The following HIRA variants were observed in gnomAD, a reference collection of about 807,000 sequenced individuals.
The protein encoded by HIRA is protein HIRA.
A neutral mutation model predicts 126.6 loss-of-function variants in HIRA; 13 were observed. That is an observed-to-expected ratio of 0.10 (90% confidence interval 0.07 to 0.16). The LOEUF is 0.16. HIRA is among the 10% of genes least tolerant of loss of function. HIRA has a pLI of 1.00. For missense variants in HIRA, 834 were observed against 1,314.4 expected (o/e 0.63, Z 5.65); for synonymous variants, 511 against 520.0 (o/e 0.98, Z 0.24).
rs779321407 is a variant in HIRA at position 19,408,604 on chromosome 22, G to A, written c.101-11C>T. On this transcript the variant is annotated splice_polypyrimidine_tract_variant and intron_variant, in intron 2 of 24. Coordinates refer to ENST00000263208, the MANE Select transcript of HIRA (RefSeq NM_003325.4). ...TCCCAGAATCCTGCCCTGGAACAAA[G>A]GAGCAGAAATGGCTGAATGTGCAAG... 5.8e-6 allele frequency: 9 copies of A among 1,539,244 alleles called. No individual in the cohort carries two copies. The South Asian group carries it at 1.0e-4, about 17-fold the overall frequency.
chr22:19,333,264 G>A (rs961427431), intron 24 of HIRA, among the ~76,000 whole-genome samples: 3 of 152,092 alleles, frequency 2.0e-5, no homozygotes, highest in African/African-American at 7.2e-5. Flanking sequence ...AATCAAGAAA[G>A]AGAGAGAAAG....
At position 19,377,853 on chromosome 22, in the gene HIRA, C is replaced by G; in HGVS notation, c.1613+16G>C. 1 of 1,589,194 alleles carries G rather than the reference C, an allele frequency of 6.3e-7. No homozygotes were observed. Among genetic ancestry groups the G allele is most frequent in the Non-Finnish European group, 8.6e-7 (1 of 1,166,256 alleles). ...ACTTTCCCCAGGGACAGGAACAAGC[C>G]TTGGCACCCACTAACCTGTCTTTAT... On this transcript the variant is annotated intron_variant, in intron 14 of 24. Transcript: ENST00000263208.
intron 15 of HIRA, among the ~76,000 whole-genome samples, chr22:19,363,051 C>T (rs1475939884): frequency 6.6e-6 from 1 of 150,734 alleles, no homozygotes. Context: ...CTGGCCAACA[C>T]GGTGAAACCC....
chr22:19,415,938 G>A (rs1247475361), intron 1 of HIRA, among the ~76,000 whole-genome samples: 1 of 151,866 alleles, frequency 6.6e-6, no homozygotes, highest in South Asian at 2.1e-4. Context: ...ACAGTCAAAA[G>A]AATCTTCAAA....
In HIRA at chr22:19,409,408, C is replaced by T. The variant is rs1001169753; in HGVS notation, c.101-815G>A. Reference sequence around the variant, plus strand: ...CAGCGATTCTCCTATCTCAGCCTCCCGACTAGCTGGGATTACAGGCGAACA... The same window carrying T: ...CAGCGATTCTCCTATCTCAGCCTCCTGACTAGCTGGGATTACAGGCGAACA... On this transcript the variant is annotated intron_variant, in intron 2 of 24. Coordinates refer to ENST00000263208, the MANE Select transcript of HIRA (RefSeq NM_003325.4). Among the ~76,000 whole-genome samples the T allele has an allele frequency of 5.3e-5, 8 of 152,140 alleles. 1 individual carries two copies. The South Asian group carries it at 6.2e-4, about 12-fold the overall frequency.
At chr22:19,431,289 G>C in intron 1 of HIRA, 151 bp downstream of exon 1, 11 of 855,566 alleles carry the variant, frequency 1.3e-5, no homozygotes, top group Non-Finnish European at 2.1e-5. Context: ...TCCGCGCTGA[G>C]GACAAAGTCC....
intron 24 of HIRA, among the ~76,000 whole-genome samples, chr22:19,350,622 A>C (rs2088745758): frequency 6.6e-6 from 1 of 151,834 alleles, no homozygotes; most frequent in South Asian, 2.1e-4. Flanking sequence ...TCTTCCTGGG[A>C]CTGTTACAGA....
Position 19,431,697 on chromosome 22 carries a change from C to G in HIRA, c.-221G>C. 1 of 371,200 alleles carries G rather than the reference C, an allele frequency of 2.7e-6. No homozygotes were observed. The highest frequency in any genetic ancestry group is 4.5e-6 in the Non-Finnish European group (1 of 224,084). The allele number at this position is 371,200 out of a possible 1,614,324, so 23.0% of individuals were successfully genotyped here. ...CCGCCGCCGCCACCACAGCCGCATC[C>G]CCTGCGCCGCTCCTCCTCAGGCGGC... is the stretch of plus-strand genomic sequence containing the variant. On this transcript the variant is annotated 5_prime_UTR_variant, in exon 1 of 25. Coordinates refer to ENST00000263208, the MANE Select transcript of HIRA (RefSeq NM_003325.4).
chr22:19,369,931 A>AAAAC (rs371707260), intron 15 of HIRA, among the ~76,000 whole-genome samples: 11 of 152,290 alleles, frequency 7.2e-5, no homozygotes, highest in South Asian at 2.1e-4. Context: ...TCTGTCTCAA[A>AAAAC]AAACAAACAA....
At chr22:19,385,447 C>A in intron 12 of HIRA, 74 bp downstream of exon 12, 2 of 1,416,828 alleles carry the variant, frequency 1.4e-6, no homozygotes, top group South Asian at 2.5e-5. Context: ...TTCCTTACCA[C>A]CACTGGTGTC....
chr22:19,407,114 G>A, intron 4 of HIRA, 70 bp downstream of exon 4: 1 of 1,261,798 alleles, frequency 7.9e-7, no homozygotes, highest in South Asian at 1.2e-5. Context: ...GGTAGGGAAA[G>A]GTGACTTTGA....
intron 1 of HIRA, among the ~76,000 whole-genome samples, chr22:19,424,194 C>T (rs890876406): frequency 1.3e-5 from 2 of 152,180 alleles, no homozygotes; most frequent in African/African-American, 2.4e-5. Flanking sequence ...CATATGCTCC[C>T]CCAGGGAGGT....
rs1422263034 is a variant in HIRA, at chr22:19,396,644, C to G, written c.654+143G>C. The G allele has an allele frequency of 1.1e-5, 8 of 729,398 alleles. No homozygotes were observed. In the Admixed American group the frequency reaches 1.2e-4, roughly 11 times the overall value. 45.2% of individuals were successfully genotyped at this position (729,398 alleles called of 1,614,324 possible). ...AGGGCCAGAGTCCCACCCCAGAGAG[C>G]CTTGGTGAATCCGCTCAGGCCCCCG... On this transcript the variant is annotated intron_variant, in intron 7 of 24. Coordinates refer to ENST00000263208, the MANE Select transcript of HIRA (RefSeq NM_003325.4).
chr22:19,378,221 C>T (rs1256080977), intron 13 of HIRA, among the ~76,000 whole-genome samples, 155 bp from the exon 14 acceptor site: 2 of 152,156 alleles, frequency 1.3e-5, no homozygotes, highest in African/African-American at 4.8e-5. Context: ...AAATTAAAGC[C>T]ACTTAATATA....
intron 17 of HIRA, among the ~76,000 whole-genome samples, chr22:19,360,076 A>C (rs1341255745): frequency 2.0e-5 from 3 of 152,172 alleles, no homozygotes; most frequent in African/African-American, 7.2e-5. Context: ...TCTGGCACCA[A>C]ATGGGCTCAG....
chr22:19,361,619 G>C (rs757091375), intron 16 of HIRA, 108 bp downstream of exon 16: 6 of 1,106,080 alleles, frequency 5.4e-6, no homozygotes, highest in African/African-American at 1.5e-5. Context: ...AAGCCAGCTG[G>C]TTCCCAAGGT....
At chr22:19,352,604 A>C (rs1015308862) in intron 23 of HIRA, among the ~76,000 whole-genome samples, 15 of 152,222 alleles carry the variant, frequency 9.9e-5, no homozygotes, top group African/African-American at 3.6e-4. Flanking sequence ...GGCACATGTG[A>C]CATGTTAGTT....
At chr22:19,383,585 C>A in intron 13 of HIRA, 35 bp downstream of exon 13, 1 of 1,534,354 alleles carries the variant, frequency 6.5e-7, no homozygotes, top group African/African-American at 1.4e-5. Context: ...GAAGATCTCG[C>A]CAGATAAGAC....
chr22:19,427,180 C>A lies in HIRA; in HGVS notation c.37+4260G>T, dbSNP rs117115139. On this transcript the variant is annotated intron_variant, in intron 1 of 24. Coordinates refer to ENST00000263208, the MANE Select transcript of HIRA (RefSeq NM_003325.4). ...GCTATACGATGTTTAACAGATTTGT[C>A]CCCTACCCACTTGATACCAGTAGCA... Among the ~76,000 whole-genome samples, 377 of 152,280 alleles carry A rather than the reference C, an allele frequency of 2.5e-3. 16 individuals are homozygous for A. The East Asian group carries it at 0.067, about 27-fold the overall frequency.
Sources: allele counts gnomAD v4.1 joint callset (sites outside exome capture counted in the v4.1 genomes callset), GRCh38; gene constraint gnomAD v4.1.1; transcripts MANE v1.5; gene names NCBI Gene and HGNC (gene_info 2026-07-23, HGNC 2026-07-21).